Variants in POU6F2 observed in about 807,000 individuals in gnomAD.
POU6F2 encodes the protein POU class 6 homeobox 2.
POU6F2 carries 31 observed loss-of-function variants against 71.3 expected under a neutral mutation model. The observed-to-expected ratio is 0.43, with a 90% CI of 0.33 to 0.59. POU6F2 has a LOEUF of 0.59. POU6F2 is among the 20% of genes least tolerant of loss of function. The pLI is 0.04. For missense variants in POU6F2, 783 were observed against 856.8 expected (o/e 0.91, Z 1.07); for synonymous variants, 347 against 355.7 (o/e 0.98, Z 0.27).
At chr7:39,266,057 G>C (rs1013701416) in intron 4 of POU6F2, among the ~76,000 whole-genome samples, 1 of 152,152 alleles carries the variant, frequency 6.6e-6, no homozygotes, top group Non-Finnish European at 1.5e-5. Context: ...GAGGTTTTCA[G>C]ATGTATCAAA....
At chr7:39,291,230 AT>A (rs1284888878) in intron 4 of POU6F2, among the ~76,000 whole-genome samples, 2 of 152,222 alleles carry the variant, frequency 1.3e-5, no homozygotes, top group African/African-American at 2.4e-5. Context: ...ATAATTAAAC[AT>A]GAGCTAATTA....
At chr7:39,216,185 A>G (rs76975523) in intron 4 of POU6F2, among the ~76,000 whole-genome samples, 34 of 152,314 alleles carry the variant, frequency 2.2e-4, no homozygotes, top group African/African-American at 7.7e-4. Context: ...TGGAAACTAT[A>G]TGACAAGGCG....
At chr7:39,222,945 C>A (rs1052352747) in intron 4 of POU6F2, among the ~76,000 whole-genome samples, 2 of 152,162 alleles carry the variant, frequency 1.3e-5, no homozygotes, top group Non-Finnish European at 2.9e-5. Flanking sequence ...AATTCTACAT[C>A]TAATCATTTG....
At chr7:39,411,749 G>A (rs1787555527) in intron 6 of POU6F2, among the ~76,000 whole-genome samples, 1 of 152,158 alleles carries the variant, frequency 6.6e-6, no homozygotes, top group African/African-American at 2.4e-5. Flanking sequence ...GCAATCAAAT[G>A]GTTCTAACAG....
intron 5 of POU6F2, among the ~76,000 whole-genome samples, chr7:39,347,656 A>C (rs1202411970): frequency 6.6e-6 from 1 of 151,404 alleles, no homozygotes; most frequent in East Asian, 1.9e-4. Flanking sequence ...TTATTTGAGA[A>C]AGAATCTCAC....
intron 5 of POU6F2, among the ~76,000 whole-genome samples, chr7:39,390,832 T>C (rs1337934316): frequency 6.6e-6 from 1 of 151,982 alleles, no homozygotes; most frequent in East Asian, 1.9e-4. Context: ...GAACAGGGTT[T>C]TCTTGTTTTT....
At chr7:39,449,047 C>A (rs1330197136) in intron 7 of POU6F2, among the ~76,000 whole-genome samples, 1 of 152,188 alleles carries the variant, frequency 6.6e-6, no homozygotes, top group African/African-American at 2.4e-5. Context: ...TTTGGGATCC[C>A]ATGTCAATTG....
intron 2 of POU6F2, among the ~76,000 whole-genome samples, chr7:39,110,046 G>A (rs180777304): frequency 1.5e-3 from 228 of 152,166 alleles, no homozygotes; most frequent in African/African-American, 5.3e-3. Flanking sequence ...CGAGGAGGGC[G>A]GATCACCTGA....
intron 1 of POU6F2, among the ~76,000 whole-genome samples, chr7:38,980,342 AAAG>A (rs1369586464): frequency 3.3e-5 from 5 of 152,200 alleles, no homozygotes; most frequent in African/African-American, 7.2e-5. Context: ...ATTTAAAAGG[AAAG>A]AAGAATAGAA....
chr7:39,333,392 C>T (rs568119293), intron 4 of POU6F2, among the ~76,000 whole-genome samples: 2 of 152,112 alleles, frequency 1.3e-5, no homozygotes, highest in South Asian at 4.2e-4. Flanking sequence ...TCTTTCCAAC[C>T]AATGATCTTG....
At chr7:39,044,217 T>A (rs1186844258) in intron 1 of POU6F2, among the ~76,000 whole-genome samples, 1 of 151,940 alleles carries the variant, frequency 6.6e-6, no homozygotes, top group Non-Finnish European at 1.5e-5. Context: ...TGGGGTCGAT[T>A]TTCATTATCA....
intron 4 of POU6F2, among the ~76,000 whole-genome samples, chr7:39,327,278 CAAA>C (rs35085212): frequency 4.1e-5 from 5 of 122,296 alleles, no homozygotes; most frequent in African/African-American, 1.5e-4. Flanking sequence ...GACTCTGTCT[CAAA>C]AAAAAAAAAA....
intron 5 of POU6F2, among the ~76,000 whole-genome samples, chr7:39,380,615 GT>G (rs1355325293): frequency 6.6e-6 from 1 of 152,112 alleles, no homozygotes; most frequent in Non-Finnish European, 1.5e-5. Flanking sequence ...AGCAAAAAAA[GT>G]CACCTCATTA....
At chr7:39,269,631 G>A (rs1045117851) in intron 4 of POU6F2, among the ~76,000 whole-genome samples, 6 of 152,206 alleles carry the variant, frequency 3.9e-5, no homozygotes, top group African/African-American at 1.4e-4. Flanking sequence ...TGCCTTCCCA[G>A]GTGCCTCTTT....
At chr7:39,202,324 A>G (rs1481136031) in intron 2 of POU6F2, among the ~76,000 whole-genome samples, 1 of 152,148 alleles carries the variant, frequency 6.6e-6, no homozygotes, top group African/African-American at 2.4e-5. Context: ...TGGTATAGAA[A>G]TTTTTTAGAA....
intron 1 of POU6F2, among the ~76,000 whole-genome samples, chr7:39,023,257 T>G (rs1289308099): frequency 1.3e-5 from 2 of 152,108 alleles, no homozygotes; most frequent in African/African-American, 4.8e-5. Flanking sequence ...ATATGTATTG[T>G]GGATATTGTT....
At chr7:39,030,127 T>C (rs1789904653) in intron 1 of POU6F2, among the ~76,000 whole-genome samples, 1 of 152,026 alleles carries the variant, frequency 6.6e-6, no homozygotes, top group African/African-American at 2.4e-5. Context: ...ACTTGTAGAA[T>C]TATCTGAGTC....
At chr7:39,006,218 C>A (rs571855007) in intron 1 of POU6F2, among the ~76,000 whole-genome samples, 1 of 152,110 alleles carries the variant, frequency 6.6e-6, no homozygotes, top group Non-Finnish European at 1.5e-5. Context: ...AATCCCAGCA[C>A]TTTGGGAGGC....
chr7:39,062,129 C>T (rs1023032499), intron 1 of POU6F2, among the ~76,000 whole-genome samples: 4 of 151,970 alleles, frequency 2.6e-5, no homozygotes, highest in African/African-American at 9.7e-5. Flanking sequence ...TAGCTTGAAG[C>T]CATTATTAGG....
Sources: gnomAD v4.1 joint callset for allele counts (sites outside exome capture counted in the v4.1 genomes callset) on GRCh38, gnomAD v4.1.1 for gene constraint, MANE v1.5 for transcripts, NCBI Gene and HGNC (gene_info 2026-07-23, HGNC 2026-07-21) for gene names.